Variants in HELZ observed in about 807,000 individuals in gnomAD.
The protein encoded by HELZ is ATP-dependent RNA helicase with zinc finger domain.
HELZ carries 23 observed loss-of-function variants against 218.2 expected under a neutral mutation model. That is an observed-to-expected ratio of 0.11 (90% CI 0.08 to 0.15). The LOEUF is 0.15. Among genes scored for constraint, HELZ ranks in the 10% least tolerant of loss-of-function variants. The pLI is 1.00. For synonymous variants in HELZ, 814 were observed against 829.4 expected (o/e 0.98, Z 0.32); for missense variants, 1,813 against 2,353.7 (o/e 0.77, Z 4.75).
chr17:67,193,073 T>C (rs1836511067), intron 9 of HELZ, among the ~76,000 whole-genome samples: 1 of 152,142 alleles, frequency 6.6e-6, no homozygotes, highest in South Asian at 2.1e-4. Context: ...CCAGGTGTGG[T>C]GGCTCACATC....
At chr17:67,192,144 G>GT (rs1195936564) in intron 9 of HELZ, among the ~76,000 whole-genome samples, 1 of 152,048 alleles carries the variant, frequency 6.6e-6, no homozygotes, top group Non-Finnish European at 1.5e-5. Flanking sequence ...GGAGGTTGCA[G>GT]TAAGCCGAGA....
At chr17:67,209,267 A>C (rs1280751957) in intron 5 of HELZ, among the ~76,000 whole-genome samples, 1 of 152,096 alleles carries the variant, frequency 6.6e-6, no homozygotes, top group Non-Finnish European at 1.5e-5. Context: ...CCTGTTTTCC[A>C]AGTTTGTTAG....
intron 16 of HELZ, 54 bp downstream of exon 16, chr17:67,160,843 G>T: frequency 7.7e-7 from 1 of 1,295,002 alleles, no homozygotes; most frequent in Non-Finnish European, 1.1e-6. Flanking sequence ...TTTAAAACAA[G>T]AACAGAGGTA....
intron 17 of HELZ, among the ~76,000 whole-genome samples, chr17:67,154,570 C>T (rs2038783403): frequency 6.6e-6 from 1 of 151,898 alleles, no homozygotes; most frequent in South Asian, 2.1e-4. Context: ...TTGAAAATTG[C>T]TATTAAAAGT....
rs367983918 is a variant in HELZ, at chr17:67,109,499, G to C, written c.4106C>G (p.Pro1369Arg). The change falls in exon 29 of 33, where the codon CCA becomes CGA. Residue 1369 changes from proline to arginine, a missense_variant. Physicochemically the swap from Pro to Arg is moderately radical, Grantham distance 103. Transcript: ENST00000358691. ...HFHPLPQLPR[P>R]PFPIPQQHTL... Reference sequence around the variant, plus strand: ...GTGCTGCTGTGGAATTGGAAAGGGTGGTCTTGGTAGCTGGGGAAGGGGATG... The same window carrying C: ...GTGCTGCTGTGGAATTGGAAAGGGTCGTCTTGGTAGCTGGGGAAGGGGATG... 6.2e-7 allele frequency: 1 copy of C among 1,614,020 alleles called. No individual in the cohort carries two copies. Among genetic ancestry groups the C allele is most frequent in the African/African-American group, 1.3e-5 (1 of 74,904 alleles).
At chr17:67,136,277 A>T (rs1477660360) in intron 22 of HELZ, 79 bp from the exon 23 acceptor site, 9 of 950,884 alleles carry the variant, frequency 9.5e-6, no homozygotes, top group African/African-American at 1.7e-5. Flanking sequence ...TGCATTTTTT[A>T]AAATGTTATT....
chr17:67,116,756 G>A (rs2037439428), intron 27 of HELZ, among the ~76,000 whole-genome samples: 1 of 152,064 alleles, frequency 6.6e-6, no homozygotes, highest in South Asian at 2.1e-4. Flanking sequence ...ATTATATTGG[G>A]AGATTTCAAT....
At chr17:67,193,901 T>C (rs1175202890) in intron 9 of HELZ, 66 bp downstream of exon 9, 14 of 1,178,694 alleles carry the variant, frequency 1.2e-5, no homozygotes, top group Non-Finnish European at 1.6e-5. Context: ...CTCCATTAGA[T>C]AAGGAAAATT....
In HELZ at chr17:67,238,663, G is replaced by C. The variant is rs186755953; in HGVS notation, c.-19+770C>G. 4.1e-3 allele frequency among the ~76,000 whole-genome samples: 619 copies of C among 152,284 alleles called. 2 individuals carry two copies. The highest frequency in any genetic ancestry group is 0.014 in the African/African-American group (587 of 41,560). ...TGCCATTCATTGCACTCCAGCCTAG[G>C]TGACAAAAGCGAAACTCCGTCTCAA... On this transcript the variant is annotated intron_variant, in intron 3 of 32. Coordinates refer to ENST00000358691, the MANE Select transcript of HELZ (RefSeq NM_014877.4).
At chr17:67,082,133 C>T (rs1046717396) in intron 32 of HELZ, among the ~76,000 whole-genome samples, 4 of 152,148 alleles carry the variant, frequency 2.6e-5, no homozygotes, top group African/African-American at 9.7e-5. Flanking sequence ...AGCTGGCTCC[C>T]TGGATCTTAT....
chr17:67,112,710 A>C (rs901579637), intron 28 of HELZ, among the ~76,000 whole-genome samples: 1 of 152,262 alleles, frequency 6.6e-6, no homozygotes, highest in Non-Finnish European at 1.5e-5. Flanking sequence ...GTGGATACTT[A>C]AAATTATGGA....
chr17:67,166,626 T>C lies in HELZ; in HGVS notation c.1765-18A>G, dbSNP rs770072064. ...AGTTCAACCTGAAAGACAAAATGAA[T>C]GTTTTAAAAACTGCATGAAAGCAAA... On this transcript the variant is annotated intron_variant, in intron 14 of 32. Transcript: ENST00000358691. 1.9e-6 allele frequency: 3 copies of C among 1,612,442 alleles called. No individual in the cohort carries two copies. The highest frequency in any genetic ancestry group is 3.3e-5 in the Admixed American group (2 of 59,946).
chr17:67,091,997 T>C (rs2036587709), intron 31 of HELZ, among the ~76,000 whole-genome samples: 1 of 152,216 alleles, frequency 6.6e-6, no homozygotes, highest in African/African-American at 2.4e-5. Context: ...GGACTATCAC[T>C]ATAAGACTAA....
intron 17 of HELZ, among the ~76,000 whole-genome samples, chr17:67,156,003 T>A (rs1354601258): frequency 1.1e-5 from 1 of 90,560 alleles, no homozygotes; most frequent in Non-Finnish European, 2.0e-5. Flanking sequence ...TTATATAATA[T>A]ATACACACAT....
At chr17:67,165,974 A>C (rs1598353695) in intron 15 of HELZ, among the ~76,000 whole-genome samples, 1 of 152,194 alleles carries the variant, frequency 6.6e-6, no homozygotes, top group Middle Eastern at 3.4e-3. Flanking sequence ...CTACAAAAAA[A>C]AATTTTTTTT....
Position 67,109,516 on chromosome 17 carries a change from A to G in HELZ, c.4089T>C (p.Leu1363=), listed in dbSNP as rs754655925. The G allele has an allele frequency of 6.2e-7, 1 of 1,614,032 alleles. No individual in the cohort carries two copies. The highest frequency in any genetic ancestry group is 2.2e-5 in the East Asian group (1 of 44,856). ...GAAAGGGTGGTCTTGGTAGCTGGGG[A>G]AGGGGATGAAAGTGGCGATTAGGGA... is the stretch of plus-strand genomic sequence containing the variant. ...YAIPNRHFHP[L]PQLPRPPFPI... Residue 1363 remains leucine (L), a synonymous_variant, in exon 29 of 33, where the codon CTT becomes CTC. Transcript: ENST00000358691.
intron 32 of HELZ, 120 bp from the exon 33 acceptor site, chr17:67,078,706 CA>C: frequency 3.6e-6 from 2 of 558,860 alleles, no homozygotes; most frequent in Non-Finnish European, 5.8e-6. Context: ...AGTATAGCCA[CA>C]AGGACAGACA....
At chr17:67,131,456 A>G (rs1034598028) in intron 23 of HELZ, among the ~76,000 whole-genome samples, 3 of 152,214 alleles carry the variant, frequency 2.0e-5, no homozygotes, top group African/African-American at 7.2e-5. Flanking sequence ...CCTTCGAGTT[A>G]ACGTGTACCA....
Position 67,078,424 on chromosome 17 carries a change from C to T in HELZ, c.5657G>A (p.Ser1886Asn). ...AESANSSSPQ[S>N]SAGGKPAMSY... ...CATGGCGGGCTTGCCCCCCGCAGAGCTCTGGGGGCTACTGCTATTGGCCGA... is the reference window on the plus strand; with the variant it reads ...CATGGCGGGCTTGCCCCCCGCAGAGTTCTGGGGGCTACTGCTATTGGCCGA... Residue 1886 changes from serine to asparagine, a missense_variant, in exon 33 of 33, where the codon AGC (serine) becomes AAC (asparagine). This residue lies in a region of HELZ where 938 missense variants were observed against 1,027.5 expected (regional missense o/e 0.91). Coordinates refer to ENST00000358691, the MANE Select transcript of HELZ (RefSeq NM_014877.4). 1 of 1,596,998 alleles carries T rather than the reference C, an allele frequency of 6.3e-7. No homozygotes were observed. The highest frequency in any genetic ancestry group is 8.5e-7 in the Non-Finnish European group (1 of 1,174,434).
Sources: gnomAD v4.1 joint callset for allele counts (sites outside exome capture counted in the v4.1 genomes callset) on GRCh38, gnomAD v4.1.1 for gene constraint, gnomAD v4.1.1 regional missense constraint, MANE v1.5 for transcripts, NCBI Gene and HGNC (gene_info 2026-07-23, HGNC 2026-07-21) for gene names.